The following CEP128 variants were observed in gnomAD, a reference collection of about 807,000 sequenced individuals.
CEP128 encodes the protein centrosomal protein 128kDa.
In CEP128, 132 loss-of-function variants were observed where a neutral mutation model predicts 156.7. The ratio of observed to expected loss-of-function variants is 0.84; its 90% CI spans 0.73 to 0.97. CEP128 has a LOEUF of 0.97. Among genes scored for constraint, CEP128 ranks in the 50% least tolerant of loss-of-function variants. CEP128 has a pLI of 0.00. For missense variants in CEP128, 1,252 were observed against 1,281.9 expected, an observed-to-expected ratio of 0.98 and a Z score of 0.36; for synonymous variants, 469 against 448.9, an observed-to-expected ratio of 1.04 and a Z score of -0.57.
chr14:80,556,770 C>T (rs940220901), intron 21 of CEP128, among the ~76,000 whole-genome samples: 4 of 152,172 alleles, frequency 2.6e-5, no homozygotes, highest in Admixed American at 2.0e-4. Flanking sequence ...TTAATAACAA[C>T]TCAACCAAAT....
intron 19 of CEP128, among the ~76,000 whole-genome samples, chr14:80,600,251 G>T (rs528815037): frequency 3.3e-5 from 5 of 152,264 alleles, no homozygotes; most frequent in Admixed American, 2.6e-4. Context: ...TCCCAAATTT[G>T]ATTAAAAACA....
At position 80,838,259 on chromosome 14, in the gene CEP128, A is replaced by C; in HGVS notation, c.869T>G (p.Leu290Arg). 6.2e-7 allele frequency: 1 copy of C among 1,613,444 alleles called. No homozygotes were observed. Among genetic ancestry groups the C allele is most frequent in the Non-Finnish European group, 8.5e-7 (1 of 1,179,550 alleles). ...EKNQLEQELE[L>R]SRRLLNQSEG... Reference sequence around the variant, plus strand: ...TGATTGATTCAATAACCTTCGAGATAGCTCCAATTCCTGTTCAAGCTAGAG... The same window carrying C: ...TGATTGATTCAATAACCTTCGAGATCGCTCCAATTCCTGTTCAAGCTAGAG... The change falls in exon 11 of 25, where the codon CTA becomes CGA. Residue 290 changes from leucine (L) to arginine (R), a missense_variant. Transcript: ENST00000555265.
chr14:80,741,917 C>T (rs866178641), intron 19 of CEP128, among the ~76,000 whole-genome samples: 1 of 152,006 alleles, frequency 6.6e-6, no homozygotes, highest in South Asian at 2.1e-4. Context: ...CTTTCTTCCT[C>T]GTATTTTCCT....
At chr14:80,553,765 G>GT (rs1890313338) in intron 21 of CEP128, among the ~76,000 whole-genome samples, 1 of 151,994 alleles carries the variant, frequency 6.6e-6, no homozygotes, top group Non-Finnish European at 1.5e-5. Context: ...AAAATATCCT[G>GT]TTTTTTATCA....
intron 19 of CEP128, among the ~76,000 whole-genome samples, chr14:80,625,807 TCTTC>T (rs1187100381): frequency 2.6e-5 from 4 of 151,870 alleles, no homozygotes; most frequent in Non-Finnish European, 5.9e-5. Context: ...TTTTCTTTTT[TCTTC>T]CTTATTTCTT....
chr14:80,677,424 A>C (rs918418236), intron 19 of CEP128, among the ~76,000 whole-genome samples: 2 of 150,724 alleles, frequency 1.3e-5, no homozygotes, highest in African/African-American at 4.9e-5. Context: ...CAGGAGAATC[A>C]CTTGAACAAA....
At chr14:80,511,136 G>T (rs1225676789) in intron 23 of CEP128, among the ~76,000 whole-genome samples, 1 of 151,456 alleles carries the variant, frequency 6.6e-6, no homozygotes, top group Non-Finnish European at 1.5e-5. Flanking sequence ...ATGAGTTTGG[G>T]AGTATTCCCT....
intron 21 of CEP128, among the ~76,000 whole-genome samples, chr14:80,550,628 A>G (rs924954939): frequency 6.6e-6 from 1 of 151,524 alleles, no homozygotes; most frequent in African/African-American, 2.4e-5. Flanking sequence ...AAGTGTTTTT[A>G]TCATTTTGCC....
intron 4 of CEP128, among the ~76,000 whole-genome samples, chr14:80,908,041 G>A (rs1883990577): frequency 6.6e-6 from 1 of 152,102 alleles, no homozygotes; most frequent in Non-Finnish European, 1.5e-5. Context: ...TGAAAGCAGA[G>A]TCAGCTATCA....
intron 19 of CEP128, among the ~76,000 whole-genome samples, chr14:80,740,303 T>C (rs1898746114): frequency 6.6e-6 from 1 of 152,032 alleles, no homozygotes; most frequent in Admixed American, 6.6e-5. Context: ...CTATGCTAGG[T>C]GATACATAAA....
At chr14:80,656,146 A>G (rs1051035933) in intron 19 of CEP128, among the ~76,000 whole-genome samples, 1 of 151,460 alleles carries the variant, frequency 6.6e-6, no homozygotes, top group African/African-American at 2.4e-5. Context: ...AAAACTGTAC[A>G]TCTTTGGCAA....
chr14:80,826,105 CAAAA>C (rs397700906), intron 13 of CEP128, among the ~76,000 whole-genome samples: 1 of 70,486 alleles, frequency 1.4e-5, no homozygotes, highest in Non-Finnish European at 3.0e-5. Flanking sequence ...GATTCTGTCT[CAAAA>C]AAAAAAAAAA....
chr14:80,666,229 T>C (rs1895606431), intron 19 of CEP128, among the ~76,000 whole-genome samples: 1 of 152,164 alleles, frequency 6.6e-6, no homozygotes, highest in Non-Finnish European at 1.5e-5. Context: ...CAAGCATAGA[T>C]TAGATATCCA....
chr14:80,870,674 T>C (rs1027510285), intron 8 of CEP128, among the ~76,000 whole-genome samples: 1 of 152,046 alleles, frequency 6.6e-6, no homozygotes, highest in African/African-American at 2.4e-5. Context: ...GCTTTTTCCC[T>C]AAGATCAGAA....
intron 19 of CEP128, among the ~76,000 whole-genome samples, chr14:80,629,246 G>A (rs2140714819): frequency 6.6e-6 from 1 of 152,252 alleles, no homozygotes; most frequent in Non-Finnish European, 1.5e-5. Context: ...TGTGGTCTTT[G>A]ACAAACTCAG....
intron 13 of CEP128, among the ~76,000 whole-genome samples, chr14:80,813,097 TC>T (rs1190830851): frequency 6.6e-6 from 1 of 152,196 alleles, no homozygotes. Context: ...TATTTAAGTT[TC>T]TTACACAATC....
intron 19 of CEP128, among the ~76,000 whole-genome samples, chr14:80,696,735 T>A (rs1233638728): frequency 2.6e-5 from 4 of 152,160 alleles, no homozygotes; most frequent in Admixed American, 2.6e-4. Context: ...ACACGTCAGA[T>A]TTCAGTAGGT....
chr14:80,928,117 G>C (rs1462051184), intron 2 of CEP128, among the ~76,000 whole-genome samples: 3 of 152,088 alleles, frequency 2.0e-5, no homozygotes, highest in Non-Finnish European at 2.9e-5. Flanking sequence ...GCGGGGAGAA[G>C]AAAGTTTTTA....
intron 16 of CEP128, among the ~76,000 whole-genome samples, chr14:80,770,885 C>T (rs1019118757): frequency 6.6e-6 from 1 of 152,156 alleles, no homozygotes; most frequent in Non-Finnish European, 1.5e-5. Context: ...TCTGATTTCT[C>T]TAGAAAAATC....
Sources: allele counts gnomAD v4.1 joint callset (sites outside exome capture counted in the v4.1 genomes callset), GRCh38; gene constraint gnomAD v4.1.1; transcripts MANE v1.5; gene names NCBI Gene and HGNC (gene_info 2026-07-23, HGNC 2026-07-21).